The following HBEGF variants were observed in gnomAD, a reference collection of about 807,000 sequenced individuals.
The protein encoded by HBEGF is proheparin-binding EGF-like growth factor.
A neutral mutation model predicts 19.5 loss-of-function variants in HBEGF; 8 were observed. The observed-to-expected ratio is 0.41, with a 90% CI of 0.24 to 0.74. The LOEUF (loss-of-function observed/expected upper bound fraction) is 0.74. Ranked by LOEUF, HBEGF falls within the 30% of genes least tolerant of loss-of-function variation. The pLI, the probability that HBEGF is intolerant of heterozygous loss-of-function variation, is 0.32. For synonymous variants in HBEGF, 97 were observed against 108.9 expected, an observed-to-expected ratio of 0.89 and a Z score of 0.68; for missense variants, 207 against 256.9, an observed-to-expected ratio of 0.81 and a Z score of 1.33.
In HBEGF at chr5:140,342,713, G is replaced by T; in HGVS notation, c.320C>A (p.Pro107Gln). The change falls in exon 3 of 6, where the codon CCA (proline) becomes CAA (glutamine). Residue 107 changes from proline (P) to glutamine (Q), a missense_variant. This residue lies in a region of HBEGF where 127 missense variants were observed against 132.7 expected (regional missense o/e 0.96). Coordinates refer to ENST00000230990, the MANE Select transcript of HBEGF (RefSeq NM_001945.3). ...GAAGTCCTTGTATTTCCGAAGACAT[G>T]GGTCCCTCTTCTTCCCTAGCCCCTT... ...KGKGLGKKRD[P>Q]CLRKYKDFCI... is the part of the protein sequence containing the mutation. 1 of 1,614,154 alleles carries T rather than the reference G, an allele frequency of 6.2e-7. No individual in the cohort carries two copies. Among genetic ancestry groups the T allele is most frequent in the Non-Finnish European group, 8.5e-7 (1 of 1,180,034 alleles).
Position 140,346,569 on chromosome 5 carries a change from C to A in HBEGF, c.-241G>T. 1 of 568,086 alleles carries A rather than the reference C, an allele frequency of 1.8e-6. No individual in the cohort carries two copies. The highest frequency in any genetic ancestry group is 3.1e-6 in the Non-Finnish European group (1 of 321,420). The allele number at this position is 568,086 out of a possible 1,614,324, so 35.2% of individuals were successfully genotyped here. A position where few individuals can be genotyped will look rare whatever the true frequency, so the allele number is the denominator to read the frequency against. On this transcript the variant is annotated 5_prime_UTR_variant, in exon 1 of 6. Transcript: ENST00000230990. This position sits in a 1 kb window ranked among gnomAD's most constrained non-coding sequence, Gnocchi z 6.1. ...CCCCGCGCGCCTAGGTCAGGCCAGC[C>A]AGCAGCGTGGCCCGCGTAGCTCCTT...
rs1399892414 is a variant in HBEGF, at chr5:140,342,679, A to G, written c.354T>C (p.His118=). 5 of 1,614,012 alleles carry G rather than the reference A, an allele frequency of 3.1e-6. No homozygotes were observed. The highest frequency in any genetic ancestry group is 1.3e-5 in the African/African-American group (1 of 74,888). The change falls in exon 3 of 6, where the codon CAT becomes CAC. Residue 118 remains histidine (H), a synonymous_variant. Coordinates refer to ENST00000230990, the MANE Select transcript of HBEGF (RefSeq NM_001945.3). The part of the protein sequence containing the change: ...CLRKYKDFCI[H]GECKYVKELR... ...GCTCCTTCACATATTTGCATTCTCCATGGATGCAGAAGTCCTTGTATTTCC... is the reference window on the plus strand; with the variant it reads ...GCTCCTTCACATATTTGCATTCTCCGTGGATGCAGAAGTCCTTGTATTTCC...
chr5:140,333,698 T>C lies in HBEGF; in HGVS notation c.*601A>G, dbSNP rs1024388888. The C allele has an allele frequency of 2.6e-5, 4 of 152,628 alleles. No individual in the cohort carries two copies. Among genetic ancestry groups the C allele is most frequent in the African/African-American group, 2.4e-5 (1 of 41,454 alleles). 9.5% of individuals were successfully genotyped at this position (152,628 alleles called of 1,614,324 possible). A position where few individuals can be genotyped will look rare whatever the true frequency, so the allele number is the denominator to read the frequency against. ...ACATACATAGAATAAAATAAATATATAATTTAAGAGGCATTTACAAACAAC... is the reference window on the plus strand; with the variant it reads ...ACATACATAGAATAAAATAAATATACAATTTAAGAGGCATTTACAAACAAC... On this transcript the variant is annotated 3_prime_UTR_variant, in exon 6 of 6. Coordinates refer to ENST00000230990, the MANE Select transcript of HBEGF (RefSeq NM_001945.3).
At chr5:140,344,634 G>A (rs1766366217) in intron 2 of HBEGF, among the ~76,000 whole-genome samples, 1 of 152,050 alleles carries the variant, frequency 6.6e-6, no homozygotes, top group African/African-American at 2.4e-5. Flanking sequence ...AGCCCCCACA[G>A]TCTTTCATTT....
rs189942658 is a variant in HBEGF, at chr5:140,336,457, C to G, written c.399-430G>C. 8.1e-4 allele frequency among the ~76,000 whole-genome samples: 124 copies of G among 152,350 alleles called. 1 individual carries two copies. The highest frequency in any genetic ancestry group is 2.6e-3 in the African/African-American group (110 of 41,574). The stretch of plus-strand genomic sequence containing the variant: ...ATTCGTATCACTCCCTCCAGTGAGG[C>G]CCCTCAACATTCTGACCCAGAAATA... On this transcript the variant is annotated intron_variant, in intron 3 of 5. Transcript: ENST00000230990.
Position 140,335,922 on chromosome 5 carries a change from C to A in HBEGF, c.504G>T (p.Val168=), listed in dbSNP as rs1307922906. 1 of 1,614,166 alleles carries A rather than the reference C, an allele frequency of 6.2e-7. No homozygotes were observed. The highest frequency in any genetic ancestry group is 8.5e-7 in the Non-Finnish European group (1 of 1,180,022). ...CCAGCAGACAGACAGATGACAGCACCACAGCCACCACGGCCAGGATGGTTG... is the reference window on the plus strand; with the variant it reads ...CCAGCAGACAGACAGATGACAGCACAACAGCCACCACGGCCAGGATGGTTG... ...DHTTILAVVA[V]VLSSVCLLVI... is the part of the protein sequence containing the mutation. The change falls in exon 4 of 6, where the codon GTG becomes GTT. Residue 168 remains valine, a synonymous_variant. Coordinates refer to ENST00000230990, the MANE Select transcript of HBEGF (RefSeq NM_001945.3).
intron 4 of HBEGF, 83 bp downstream of exon 4, chr5:140,335,789 T>C: frequency 7.1e-7 from 1 of 1,409,848 alleles, no homozygotes; most frequent in Non-Finnish European, 9.8e-7. Context: ...GGGAAGTGCA[T>C]GTGACCATCA....
chr5:140,334,947 A>T, intron 4 of HBEGF, 199 bp from the exon 5 acceptor site: 1 of 605,978 alleles, frequency 1.7e-6, no homozygotes, highest in South Asian at 1.9e-5. Flanking sequence ...TGCAATTTAC[A>T]AATAGCTTTC....
intron 3 of HBEGF, among the ~76,000 whole-genome samples, chr5:140,338,910 G>A (rs1448435562): frequency 6.6e-6 from 1 of 152,218 alleles, no homozygotes; most frequent in Non-Finnish European, 1.5e-5. Flanking sequence ...ACGTCTGGAT[G>A]GAGGAGACTG....
rs780155321 is a variant in HBEGF, at chr5:140,334,795, G to A, written c.555-47C>T. 4.2e-6 allele frequency: 6 copies of A among 1,428,700 alleles called. No homozygotes were observed. The Middle Eastern group carries it at 5.3e-4, about 125-fold the overall frequency. 88.5% of individuals were successfully genotyped at this position (1,428,700 alleles called of 1,614,324 possible). ...AATAAGCCCTGCCTGCTATGACAAA[G>A]TGCAGGTCCAGAGCAGGTCCTTCCA... On this transcript the variant is annotated intron_variant, in intron 4 of 5. Coordinates refer to ENST00000230990, the MANE Select transcript of HBEGF (RefSeq NM_001945.3).
In HBEGF at chr5:140,345,896, G is replaced by C. The variant is rs1272347907; in HGVS notation, c.220+15C>G. Reference sequence around the variant, plus strand: ...AGCCCACCAAGGTCCAAGGATGGGGGGCCTCCACACCCACCTCTCAAAAGG... The same window carrying C: ...AGCCCACCAAGGTCCAAGGATGGGGCGCCTCCACACCCACCTCTCAAAAGG... On this transcript the variant is annotated intron_variant, in intron 2 of 5. Transcript: ENST00000230990. 2.5e-6 allele frequency: 4 copies of C among 1,613,768 alleles called. No individual in the cohort carries two copies. The highest frequency in any genetic ancestry group is 3.4e-6 in the Non-Finnish European group (4 of 1,179,834).
intron 2 of HBEGF, among the ~76,000 whole-genome samples, chr5:140,343,653 G>C (rs1317983877): frequency 6.6e-6 from 1 of 152,130 alleles, no homozygotes; most frequent in Non-Finnish European, 1.5e-5. Context: ...AGAGACTGGG[G>C]GAAAAACAGC....
chr5:140,339,612 T>C (rs1296425299), intron 3 of HBEGF, among the ~76,000 whole-genome samples: 2 of 152,110 alleles, frequency 1.3e-5, no homozygotes, highest in Admixed American at 1.3e-4. Flanking sequence ...CAGGCTGGTC[T>C]CGAACTCCTG....
At chr5:140,343,723 CT>C (rs1445349436) in intron 2 of HBEGF, among the ~76,000 whole-genome samples, 1 of 152,206 alleles carries the variant, frequency 6.6e-6, no homozygotes, top group East Asian at 1.9e-4. Context: ...CAATCCCACC[CT>C]TTTATCCCCC....
chr5:140,334,896 G>A, intron 4 of HBEGF, 148 bp from the exon 5 acceptor site: 1 of 685,476 alleles, frequency 1.5e-6, no homozygotes, highest in South Asian at 1.7e-5. Flanking sequence ...TCTGGTCAAA[G>A]GCCCAACTGC....
intron 3 of HBEGF, among the ~76,000 whole-genome samples, chr5:140,339,743 TC>T (rs554965975): frequency 7.2e-4 from 109 of 152,218 alleles, no homozygotes; most frequent in African/African-American, 2.6e-3. Flanking sequence ...AAAAGGGTTT[TC>T]CTGTTCATGG....
At chr5:140,340,635 A>C (rs1391767546) in intron 3 of HBEGF, among the ~76,000 whole-genome samples, 1 of 151,750 alleles carries the variant, frequency 6.6e-6, no homozygotes, top group African/African-American at 2.4e-5. Context: ...ACAAAGAAAA[A>C]GAAAATTCTG....
chr5:140,336,516 A>G (rs1318424402), intron 3 of HBEGF, among the ~76,000 whole-genome samples: 1 of 152,234 alleles, frequency 6.6e-6, no homozygotes, highest in Admixed American at 6.5e-5. Flanking sequence ...TCCAGCGTCC[A>G]GTCCCTCTCC....
chr5:140,337,769 G>T (rs1001486782), intron 3 of HBEGF, among the ~76,000 whole-genome samples: 1 of 152,160 alleles, frequency 6.6e-6, no homozygotes, highest in Non-Finnish European at 1.5e-5. Flanking sequence ...TCCTTGCCCA[G>T]CCTCTCCATG....
Sources: gnomAD v4.1 joint callset for allele counts (sites outside exome capture counted in the v4.1 genomes callset) on GRCh38, gnomAD v4.1.1 for gene constraint, gnomAD v4.1.1 regional missense constraint, Gnocchi (gnomAD v3.1) non-coding constraint, MANE v1.5 for transcripts, NCBI Gene and HGNC (gene_info 2026-07-23, HGNC 2026-07-21) for gene names.